The following MEIG1 variants were observed in gnomAD, a reference collection of about 807,000 sequenced individuals.
The protein encoded by MEIG1 is meiosis expressed gene 1 protein homolog.
Under a neutral mutation model 11.3 loss-of-function variants are expected in MEIG1, and 12 were observed. That is an observed-to-expected ratio of 1.07 (90% CI 0.68 to 1.73). The LOEUF is 1.73. Among genes scored for constraint, MEIG1 ranks in the 40% most tolerant of loss-of-function variants. MEIG1 has a pLI of 0.00. For missense variants in MEIG1, 119 were observed against 104.9 expected (o/e 1.13, Z -0.59); for synonymous variants, 41 against 33.2 (o/e 1.24, Z -0.81).
chr10:14,961,638 A>ATTTTTCTTTTTTTTT (rs1843013996), intron 1 of MEIG1, among the ~76,000 whole-genome samples: 1 of 76,594 alleles, frequency 1.3e-5, no homozygotes, highest in Non-Finnish European at 2.6e-5. Context: ...CATCCGGCTA[A>ATTTTTCTTTTTTTTT]TTTTTTTTTT....
upstream of MEIG1, among the ~76,000 whole-genome samples, chr10:14,958,623 G>A (rs1436301572): frequency 6.6e-6 from 1 of 152,182 alleles, no homozygotes; most frequent in Non-Finnish European, 1.5e-5. Flanking sequence ...TTGGCCGGGC[G>A]CGGTGGCTCA....
chr10:14,963,789 C>A (rs1315778998), intron 1 of MEIG1, among the ~76,000 whole-genome samples: 2 of 152,070 alleles, frequency 1.3e-5, no homozygotes, highest in African/African-American at 4.8e-5. Flanking sequence ...CATGGTGAAA[C>A]CCATCTCTAC....
intron 1 of MEIG1, among the ~76,000 whole-genome samples, chr10:14,985,221 C>T (rs1843307108): frequency 1.3e-5 from 2 of 151,630 alleles, no homozygotes. Flanking sequence ...GGATGTTATT[C>T]GTAATATTCT....
chr10:14,960,425 T>C (rs1452418947), intron 1 of MEIG1, among the ~76,000 whole-genome samples: 1 of 152,092 alleles, frequency 6.6e-6, no homozygotes, highest in Non-Finnish European at 1.5e-5. Context: ...TTTATTTTTG[T>C]TTTAGTTTTT....
chr10:14,956,453 G>C (rs886230029), upstream of MEIG1, among the ~76,000 whole-genome samples: 8 of 152,074 alleles, frequency 5.3e-5, no homozygotes, highest in Non-Finnish European at 1.0e-4. Context: ...ATGGAGTCAG[G>C]GGCCTGTAAT....
intron 1 of MEIG1, among the ~76,000 whole-genome samples, chr10:14,959,998 G>A (rs1345672558): frequency 6.6e-6 from 1 of 152,242 alleles, no homozygotes; most frequent in African/African-American, 2.4e-5. Context: ...GCGGTTTTGT[G>A]CTGCACACAG....
intron 1 of MEIG1, among the ~76,000 whole-genome samples, chr10:14,981,465 G>A (rs1193721216): frequency 3.3e-5 from 5 of 152,192 alleles, no homozygotes. Context: ...TCCGAGGCGA[G>A]CAGAAAGCTT....
At chr10:14,959,045 G>T (rs1361990807), upstream of MEIG1, among the ~76,000 whole-genome samples, 3 of 152,142 alleles carry the variant, frequency 2.0e-5, no homozygotes, top group Admixed American at 6.5e-5. Context: ...TGATTGTCAG[G>T]CACTATGGCG....
chr10:14,975,407 G>A (rs1301557953), downstream of MEIG1, among the ~76,000 whole-genome samples: 1 of 151,974 alleles, frequency 6.6e-6, no homozygotes, highest in African/African-American at 2.4e-5. Flanking sequence ...TCCCAATATG[G>A]CAGGGGGTCT....
At chr10:14,987,656 T>A (rs1843332568) in intron 2 of MEIG1, 1 of 391,436 alleles carries the variant, frequency 2.6e-6, no homozygotes, top group African/African-American at 2.1e-5. Context: ...TACATACTAC[T>A]TTAGAGAAAA....
At chr10:14,981,975 G>A (rs1843270235) in intron 1 of MEIG1, among the ~76,000 whole-genome samples, 1 of 152,136 alleles carries the variant, frequency 6.6e-6, no homozygotes, top group East Asian at 1.9e-4. Context: ...ACAAACACCT[G>A]CTTAGCTCTT....
chr10:14,985,177 T>A (rs555658679), intron 1 of MEIG1, among the ~76,000 whole-genome samples: 1 of 152,004 alleles, frequency 6.6e-6, no homozygotes, highest in East Asian at 1.9e-4. Context: ...TCTAGAGATA[T>A]GTTACTCATA....
At chr10:14,963,146 G>C (rs1206168982) in intron 1 of MEIG1, among the ~76,000 whole-genome samples, 3 of 151,456 alleles carry the variant, frequency 2.0e-5, no homozygotes, top group Non-Finnish European at 4.4e-5. Flanking sequence ...GCCCAGGCTG[G>C]AGTGCAATGG....
chr10:14,983,532 C>G (rs1589216051), intron 1 of MEIG1, among the ~76,000 whole-genome samples: 1 of 152,118 alleles, frequency 6.6e-6, no homozygotes, highest in South Asian at 2.1e-4. Flanking sequence ...CCCAATATCG[C>G]AGGGGGTGTA....
At chr10:14,973,802 C>T (rs1843178971), downstream of MEIG1, among the ~76,000 whole-genome samples, 1 of 144,544 alleles carries the variant, frequency 6.9e-6, no homozygotes, top group Non-Finnish European at 1.5e-5. Context: ...CTATAAAGAT[C>T]TTTGCCTACT....
chr10:14,973,733 G>T (rs1843177307), downstream of MEIG1, among the ~76,000 whole-genome samples: 1 of 126,936 alleles, frequency 7.9e-6, no homozygotes, highest in African/African-American at 3.0e-5. Context: ...TCCCGCCACT[G>T]CACTCCAGCC....
chr10:14,983,945 A>C (rs1212361194), intron 1 of MEIG1, among the ~76,000 whole-genome samples: 2 of 151,926 alleles, frequency 1.3e-5, no homozygotes, highest in Non-Finnish European at 2.9e-5. Context: ...TATTGTTCCT[A>C]ATGTCAACGT....
intron 2 of MEIG1, among the ~76,000 whole-genome samples, chr10:14,972,155 T>G (rs979997597): frequency 3.3e-5 from 5 of 151,928 alleles, no homozygotes; most frequent in Non-Finnish European, 4.4e-5. Context: ...CCTGGGATTA[T>G]AGGCACCTAC....
intron 1 of MEIG1, among the ~76,000 whole-genome samples, chr10:14,963,225 T>C (rs775410076): frequency 6.6e-6 from 1 of 152,116 alleles, no homozygotes; most frequent in African/African-American, 2.4e-5. Flanking sequence ...GCCTCCTGAT[T>C]AGCTGGGATT....
Sources: allele counts gnomAD v4.1 joint callset (sites outside exome capture counted in the v4.1 genomes callset), GRCh38; gene constraint gnomAD v4.1.1; transcripts MANE v1.5; gene names NCBI Gene and HGNC (gene_info 2026-07-23, HGNC 2026-07-21).